The following SOX5 variants were observed in gnomAD, a reference collection of about 807,000 sequenced individuals.
The protein encoded by SOX5 is transcription factor SOX-5.
In SOX5, 9 loss-of-function variants were observed where a neutral mutation model predicts 92.0. The ratio of observed to expected loss-of-function variants is 0.10; its 90% CI spans 0.06 to 0.17. The LOEUF (loss-of-function observed/expected upper bound fraction) is 0.17, where lower values mean the gene tolerates loss of function less well. Ranked by LOEUF, SOX5 falls within the 10% of genes least tolerant of loss-of-function variation. The pLI is 1.00. For synonymous variants in SOX5, 344 were observed against 336.3 expected (o/e 1.02, Z -0.25); for missense variants, 642 against 944.5 (o/e 0.68, Z 4.20).
At chr12:24,313,234 C>A (rs1949366012) in intron 2 of SOX5, among the ~76,000 whole-genome samples, 1 of 152,094 alleles carries the variant, frequency 6.6e-6, no homozygotes, top group Non-Finnish European at 1.5e-5. Context: ...TCTCTGATTT[C>A]TTCAAAGCAG....
At chr12:24,388,745 C>T (rs190989730) in intron 1 of SOX5, among the ~76,000 whole-genome samples, 166 of 152,246 alleles carry the variant, frequency 1.1e-3, no homozygotes, top group Non-Finnish European at 6.3e-4. Context: ...ACTCCATGCC[C>T]CATCAGCAGT....
intron 4 of SOX5, among the ~76,000 whole-genome samples, chr12:23,751,306 T>C (rs922676128): frequency 6.6e-6 from 1 of 151,928 alleles, no homozygotes; most frequent in African/African-American, 2.4e-5. Flanking sequence ...ATAACAAGAT[T>C]ACTATTCGTA....
chr12:24,244,246 C>T (rs11047328), intron 3 of SOX5, among the ~76,000 whole-genome samples: 2,115 of 152,204 alleles, frequency 0.014, 52 homozygotes, highest in African/African-American at 0.046. Flanking sequence ...CACGGGCGAT[C>T]GGCTACACCT....
At chr12:24,263,710 T>C (rs995250883) in intron 3 of SOX5, among the ~76,000 whole-genome samples, 7 of 152,092 alleles carry the variant, frequency 4.6e-5, no homozygotes, top group African/African-American at 9.7e-5. Context: ...ATCTTGGAGA[T>C]TGCTATGCAA....
chr12:24,315,988 C>T (rs1949661929), intron 2 of SOX5, among the ~76,000 whole-genome samples: 1 of 152,218 alleles, frequency 6.6e-6, no homozygotes, highest in Non-Finnish European at 1.5e-5. Flanking sequence ...TTCTCTTTCA[C>T]ATCACTTGGG....
chr12:23,845,590 T>C (rs1038276634), intron 3 of SOX5, among the ~76,000 whole-genome samples: 1 of 152,124 alleles, frequency 6.6e-6, no homozygotes, highest in African/African-American at 2.4e-5. Flanking sequence ...GGATAAGATG[T>C]ATTAATGTGT....
intron 2 of SOX5, among the ~76,000 whole-genome samples, chr12:24,339,163 CCACACACACACACACACACACACA>C (rs56243419): frequency 2.8e-5 from 4 of 140,382 alleles, no homozygotes; most frequent in African/African-American, 8.0e-5. Flanking sequence ...TCTCTCTCTG[CCACACACACACACACACACACACA>C]CACACACACA....
intron 13 of SOX5, among the ~76,000 whole-genome samples, chr12:23,539,849 A>G (rs977134043): frequency 1.3e-5 from 2 of 152,176 alleles, no homozygotes; most frequent in Non-Finnish European, 2.9e-5. Flanking sequence ...GCTAAGTACT[A>G]ACCGGGTCAA....
chr12:23,692,399 T>C lies in SOX5; in HGVS notation c.811-26835A>G, dbSNP rs140417815. 6.2e-3 allele frequency among the ~76,000 whole-genome samples: 903 copies of C among 146,698 alleles called. 9 individuals are homozygous for C. Among genetic ancestry groups the C allele is most frequent in the South Asian group, 0.023 (108 of 4,660 alleles). On this transcript the variant is annotated intron_variant, in intron 6 of 14. Coordinates refer to ENST00000451604, the MANE Select transcript of SOX5 (RefSeq NM_006940.6). The stretch of plus-strand genomic sequence containing the variant: ...TTGCATTGAGCTGAGATTGCACCAC[T>C]GCACTTCAGCCTGGGCGACAGAGTG...
chr12:24,042,811 C>T (rs1171558388), intron 4 of SOX5, among the ~76,000 whole-genome samples: 1 of 152,102 alleles, frequency 6.6e-6, no homozygotes, highest in African/African-American at 2.4e-5. Context: ...CAGATAATAG[C>T]CTTCATTTGA....
At chr12:24,469,682 G>A (rs1218287328) in intron 1 of SOX5, among the ~76,000 whole-genome samples, 3 of 152,158 alleles carry the variant, frequency 2.0e-5, no homozygotes, top group Non-Finnish European at 4.4e-5. Flanking sequence ...GTGGAATGAA[G>A]AAATCTGGTT....
intron 4 of SOX5, among the ~76,000 whole-genome samples, chr12:23,968,835 G>A (rs146225858): frequency 0.012 from 1,873 of 152,088 alleles, 16 homozygotes; most frequent in East Asian, 0.039. Context: ...TTTCTTCTAC[G>A]CTCAACCTTT....
At chr12:23,688,134 A>G (rs900785136) in intron 6 of SOX5, among the ~76,000 whole-genome samples, 9 of 151,934 alleles carry the variant, frequency 5.9e-5, no homozygotes, top group Non-Finnish European at 1.0e-4. Context: ...AATGCCTTTT[A>G]TATGGTCCCT....
chr12:23,671,646 A>G lies in SOX5; in HGVS notation c.811-6082T>C, dbSNP rs564599773. On this transcript the variant is annotated intron_variant, in intron 6 of 14. Transcript: ENST00000451604. ...TAAAAGAAAGTCAATTTGTCAGTTT[A>G]TCCTACTCAATGCAATGGTCTTTAG... Among the ~76,000 whole-genome samples, 7 of 152,310 alleles carry G rather than the reference A, an allele frequency of 4.6e-5. 1 individual carries two copies. Among genetic ancestry groups the G allele is most frequent in the African/African-American group, 1.7e-4 (7 of 41,580 alleles).
chr12:23,794,927 ATT>A (rs5797040), intron 3 of SOX5, among the ~76,000 whole-genome samples: 2 of 151,750 alleles, frequency 1.3e-5, no homozygotes, highest in Admixed American at 1.3e-4. Context: ...TTAGATTAGA[ATT>A]TTTTTTAACA....
chr12:23,611,151 C>T lies in SOX5; in HGVS notation c.1018-6618G>A, dbSNP rs1040200272. ...ATTATTTGACCAATGTCTCCTCTTTCCCCCTTGCCTTCTACCCTGGTAATC... is the reference window on the plus strand; with the variant it reads ...ATTATTTGACCAATGTCTCCTCTTTTCCCCTTGCCTTCTACCCTGGTAATC... On this transcript the variant is annotated intron_variant, in intron 8 of 14. Transcript: ENST00000451604. Among the ~76,000 whole-genome samples, 10 of 152,138 alleles carry T rather than the reference C, an allele frequency of 6.6e-5. No individual in the cohort carries two copies. The South Asian group carries it at 2.1e-3, about 32-fold the overall frequency.
rs75409172 is a variant in SOX5 at position 24,085,387 on chromosome 12, C to T, written c.-2+127956G>A. Among the ~76,000 whole-genome samples, 8 of 152,240 alleles carry T rather than the reference C, an allele frequency of 5.3e-5. No individual in the cohort carries two copies. In the East Asian group the frequency reaches 1.5e-3, roughly 29 times the overall value. On this transcript the variant is annotated intron_variant, in intron 4 of 4. Coordinates refer to the SOX5 transcript ENST00000446891. ...TGAGTTGGATACAACTTTGTGCCCA[C>T]TTTACAGAGGTCAACTAACTTGCCC...
chr12:24,445,033 TGA>T (rs1380858528), intron 1 of SOX5, among the ~76,000 whole-genome samples: 1 of 152,150 alleles, frequency 6.6e-6, no homozygotes, highest in Non-Finnish European at 1.5e-5. Context: ...CTGAAAGAAC[TGA>T]GATAGTAACT....
chr12:23,543,394 G>C lies in SOX5; in HGVS notation c.1598-10C>G. 6.2e-7 allele frequency: 1 copy of C among 1,609,654 alleles called. No individual in the cohort carries two copies. Among genetic ancestry groups the C allele is most frequent in the Non-Finnish European group, 8.5e-7 (1 of 1,176,630 alleles). On this transcript the variant is annotated splice_polypyrimidine_tract_variant and intron_variant, in intron 12 of 14. Transcript: ENST00000451604. The stretch of plus-strand genomic sequence containing the variant: ...GAGACTCCAGCACTTCCTGAAAACA[G>C]GAAACATCACTTCGTGTTAGCGTTA...
Sources: gnomAD v4.1 joint callset for allele counts (sites outside exome capture counted in the v4.1 genomes callset) on GRCh38, gnomAD v4.1.1 for gene constraint, MANE v1.5 for transcripts, NCBI Gene and HGNC (gene_info 2026-07-23, HGNC 2026-07-21) for gene names.